Variants in NAV2 observed in about 807,000 individuals in gnomAD.
NAV2 encodes the protein helicase, APC down-regulated 1.
NAV2 carries 54 observed loss-of-function variants against 223.2 expected under a neutral mutation model. That is an observed-to-expected ratio of 0.24 (90% confidence interval 0.19 to 0.30). The LOEUF is 0.30. NAV2 is among the 10% of genes least tolerant of loss of function. The pLI is 1.00. For synonymous variants in NAV2, 1,279 were observed against 1,239.3 expected (o/e 1.03, Z -0.67); for missense variants, 2,806 against 3,147.5 (o/e 0.89, Z 2.60).
At chr11:19,692,027 C>A (rs1318568473) in intron 1 of NAV2, among the ~76,000 whole-genome samples, 2 of 152,220 alleles carry the variant, frequency 1.3e-5, no homozygotes, top group Admixed American at 6.5e-5. Context: ...AGCCATTGAC[C>A]ATGAGAGACA....
At chr11:19,405,632 T>C (rs1849863594) in intron 1 of NAV2, among the ~76,000 whole-genome samples, 1 of 152,234 alleles carries the variant, frequency 6.6e-6, no homozygotes, top group African/African-American at 2.4e-5. Flanking sequence ...TTTGACACAG[T>C]GAGATTCAGA....
intron 3 of NAV2, among the ~76,000 whole-genome samples, chr11:19,852,003 G>C (rs2061172301): frequency 1.3e-5 from 2 of 152,210 alleles, no homozygotes; most frequent in Non-Finnish European, 2.9e-5. Flanking sequence ...AAGGGGCCAT[G>C]AGCCAAGGAA....
At chr11:19,876,078 T>A (rs1291009888) in intron 4 of NAV2, among the ~76,000 whole-genome samples, 1 of 152,106 alleles carries the variant, frequency 6.6e-6, no homozygotes, top group Non-Finnish European at 1.5e-5. Flanking sequence ...CAGGCTGGAG[T>A]GCAGTGTCGT....
At chr11:19,629,185 T>G (rs538433547) in intron 1 of NAV2, among the ~76,000 whole-genome samples, 12 of 152,166 alleles carry the variant, frequency 7.9e-5, no homozygotes, top group Admixed American at 2.6e-4. Context: ...TCCCACCATT[T>G]CTGAGCCCTT....
chr11:19,837,033 T>A (rs923926986), intron 2 of NAV2, among the ~76,000 whole-genome samples: 1 of 152,190 alleles, frequency 6.6e-6, no homozygotes, highest in African/African-American at 2.4e-5. Flanking sequence ...GGATTAAACC[T>A]GAATATATGA....
intron 1 of NAV2, among the ~76,000 whole-genome samples, chr11:19,633,021 C>T (rs761044215): frequency 2.6e-5 from 4 of 152,178 alleles, no homozygotes; most frequent in African/African-American, 4.8e-5. Context: ...AACTGTACTA[C>T]GACTGTCTAT....
Position 20,068,171 on chromosome 11 carries a change from A to T in NAV2, c.4885-15A>T, listed in dbSNP as rs775080806. ...TTCCTTAACTGGTCTAATTTCCTTT[A>T]TGTTTTCTTTACAGCCAGAAGAAAA... On this transcript the variant is annotated splice_polypyrimidine_tract_variant and intron_variant, in intron 20 of 37. Coordinates refer to ENST00000349880, the MANE Select transcript of NAV2 (RefSeq NM_145117.5). 1 of 1,613,556 alleles carries T rather than the reference A, an allele frequency of 6.2e-7. No homozygotes were observed. The highest frequency in any genetic ancestry group is 1.1e-5 in the South Asian group (1 of 91,082).
At chr11:19,887,078 A>G (rs1022535726) in intron 5 of NAV2, among the ~76,000 whole-genome samples, 1 of 152,094 alleles carries the variant, frequency 6.6e-6, no homozygotes, top group Non-Finnish European at 1.5e-5. Flanking sequence ...TTGGTTGCCA[A>G]AAGAAGCAGT....
intron 1 of NAV2, among the ~76,000 whole-genome samples, chr11:19,478,806 C>A (rs1344620682): frequency 1.3e-5 from 2 of 152,204 alleles, no homozygotes; most frequent in Admixed American, 1.3e-4. Flanking sequence ...CAAGGCAAGT[C>A]CCCTTCACTT....
At chr11:19,549,608 T>C (rs1326327204) in intron 1 of NAV2, among the ~76,000 whole-genome samples, 1 of 152,232 alleles carries the variant, frequency 6.6e-6, no homozygotes, top group Non-Finnish European at 1.5e-5. Flanking sequence ...GGAGCCAGGC[T>C]AAGCCATCTC....
intron 27 of NAV2, among the ~76,000 whole-genome samples, chr11:20,091,758 C>T (rs1830738126): frequency 6.6e-6 from 1 of 152,162 alleles, no homozygotes; most frequent in South Asian, 2.1e-4. Context: ...ACACTCTTTC[C>T]ATGAGAAGCT....
intron 1 of NAV2, among the ~76,000 whole-genome samples, chr11:19,743,471 C>G (rs1183146803): frequency 6.6e-6 from 1 of 152,202 alleles, no homozygotes; most frequent in Non-Finnish European, 1.5e-5. Context: ...GGTGCTTTCT[C>G]CCTCCTGGGT....
intron 3 of NAV2, among the ~76,000 whole-genome samples, chr11:19,859,576 A>G (rs1049467012): frequency 8.6e-5 from 13 of 151,894 alleles, no homozygotes; most frequent in East Asian, 7.8e-4. Context: ...CGATTTCTCA[A>G]TCTTTTCCCC....
At chr11:19,751,876 C>T (rs193037574) in intron 1 of NAV2, among the ~76,000 whole-genome samples, 1 of 152,194 alleles carries the variant, frequency 6.6e-6, no homozygotes, top group East Asian at 1.9e-4. Context: ...CTCCACATGC[C>T]ACCTTTCTTA....
chr11:20,008,822 G>A (rs1351712897), intron 11 of NAV2, among the ~76,000 whole-genome samples: 2 of 151,650 alleles, frequency 1.3e-5, no homozygotes, highest in Admixed American at 1.3e-4. Context: ...AATTTCCCTG[G>A]CATCTGATAA....
At chr11:19,922,548 C>G (rs547692303) in intron 6 of NAV2, among the ~76,000 whole-genome samples, 164 of 152,256 alleles carry the variant, frequency 1.1e-3, no homozygotes, top group Middle Eastern at 0.01. Context: ...AAAACCCCTG[C>G]TTTTTGAGTC....
intron 1 of NAV2, among the ~76,000 whole-genome samples, chr11:19,773,241 G>A (rs1453303759): frequency 6.6e-6 from 1 of 152,216 alleles, no homozygotes; most frequent in African/African-American, 2.4e-5. Context: ...AGTGTTGAGT[G>A]ATTGAACGAT....
intron 1 of NAV2, among the ~76,000 whole-genome samples, chr11:19,478,587 G>C (rs1011116013): frequency 6.6e-6 from 1 of 152,250 alleles, no homozygotes; most frequent in Non-Finnish European, 1.5e-5. Flanking sequence ...CACCTACAAT[G>C]TGTTTGTGAG....
chr11:19,532,326 T>C (rs1462270483), intron 1 of NAV2, among the ~76,000 whole-genome samples: 2 of 152,210 alleles, frequency 1.3e-5, no homozygotes, highest in African/African-American at 4.8e-5. Context: ...GCTCGCCTGG[T>C]TCACTGCTGG....
Sources: gnomAD v4.1 joint callset for allele counts (sites outside exome capture counted in the v4.1 genomes callset) on GRCh38, gnomAD v4.1.1 for gene constraint, MANE v1.5 for transcripts, NCBI Gene and HGNC (gene_info 2026-07-23, HGNC 2026-07-21) for gene names.